The following MTMR8 variants were observed in gnomAD, a reference collection of about 807,000 sequenced individuals.
The protein encoded by MTMR8 is myotubularin related protein 8.
A neutral mutation model predicts 39.3 loss-of-function variants in MTMR8; 65 were observed. The ratio of observed to expected loss-of-function variants is 1.65; its 90% CI spans 1.35 to 2.03. MTMR8 has a LOEUF of 2.03. Ranked by LOEUF, MTMR8 falls within the 30% of genes most tolerant of loss-of-function variation. MTMR8 has a pLI of 0.00. For missense variants in MTMR8, 777 were observed against 538.9 expected (o/e 1.44, Z -4.37); for synonymous variants, 245 against 185.2 (o/e 1.32, Z -2.62).
At chrX:64,302,167 C>G (rs954664299) in intron 12 of MTMR8, among the ~76,000 whole-genome samples, 5 of 112,668 alleles carry the variant, frequency 4.4e-5, no homozygotes, top group Admixed American at 2.8e-4. Flanking sequence ...CCCCCAGCCT[C>G]GCTGCTGCCT....
chrX:64,367,127 AC>A (rs1923986858), intron 1 of MTMR8, among the ~76,000 whole-genome samples: 1 of 111,743 alleles, frequency 8.9e-6, no homozygotes, highest in African/African-American at 3.3e-5. Context: ...TAGCCTATCA[AC>A]CAAAAAAAAG....
intron 12 of MTMR8, among the ~76,000 whole-genome samples, chrX:64,320,962 C>G (rs1235496987): frequency 1.8e-5 from 2 of 111,843 alleles, no homozygotes; most frequent in Non-Finnish European, 3.8e-5. Context: ...GAGAACTAAG[C>G]TAACTGACAG....
At chrX:64,312,606 A>T (rs1009522328) in intron 12 of MTMR8, among the ~76,000 whole-genome samples, 1 of 112,781 alleles carries the variant, frequency 8.9e-6, no homozygotes, top group African/African-American at 3.2e-5. Context: ...AATCATGAAT[A>T]TTCTTAATGG....
chrX:64,335,661 G>T (rs1412819543), intron 10 of MTMR8, among the ~76,000 whole-genome samples: 4 of 111,566 alleles, frequency 3.6e-5, no homozygotes, highest in Non-Finnish European at 7.5e-5. Flanking sequence ...AAGGTGCATT[G>T]TCTTGATATT....
intron 6 of MTMR8, among the ~76,000 whole-genome samples, chrX:64,348,245 C>A (rs1281922774): frequency 2.7e-5 from 3 of 109,836 alleles, no homozygotes; most frequent in Admixed American, 9.7e-5. Flanking sequence ...TTACTGTGGC[C>A]TAACACATTT....
chrX:64,361,557 C>A (rs941960520), intron 1 of MTMR8, among the ~76,000 whole-genome samples: 1 of 110,654 alleles, frequency 9.0e-6, no homozygotes, highest in African/African-American at 3.3e-5. Flanking sequence ...TAATACATCA[C>A]CAAGACTAAA....
chrX:64,333,571 T>A (rs897607013), intron 10 of MTMR8, among the ~76,000 whole-genome samples: 1 of 112,039 alleles, frequency 8.9e-6, no homozygotes, highest in African/African-American at 3.2e-5. Context: ...TCTTCTTTAA[T>A]GTTTCTTTCT....
Position 64,348,724 on chromosome X carries a change from A to G in MTMR8, c.668T>C (p.Leu223Ser). 8.3e-7 allele frequency: 1 copy of G among 1,210,997 alleles called. No individual in the cohort carries two copies. The highest frequency in any genetic ancestry group is 1.1e-6 in the Non-Finnish European group (1 of 894,890). Residue 223 changes from leucine to serine, a missense_variant, in exon 6 of 14, where the codon TTG becomes TCG. By Grantham distance (145) the Leu-to-Ser change is moderately radical. Transcript: ENST00000374852. ...TGGGTTTGTTTGGCTAATGGCCTCC[A>G]ACAAGAGCTCATCATCTACACAGCG... ...YTRCVDDELL[L>S]EAISQTNPGS...
intron 12 of MTMR8, among the ~76,000 whole-genome samples, chrX:64,299,466 C>G (rs1434104717): frequency 9.4e-6 from 1 of 106,766 alleles, no homozygotes; most frequent in Non-Finnish European, 1.9e-5. Context: ...TGAGTCTTCT[C>G]TCTTTTTTTC....
At chrX:64,311,054 T>C (rs1232396827) in intron 12 of MTMR8, among the ~76,000 whole-genome samples, 2 of 112,053 alleles carry the variant, frequency 1.8e-5, no homozygotes, top group African/African-American at 3.3e-5. Context: ...TTTCTAGTTC[T>C]AGATCCTTGA....
At position 64,336,096 on chromosome X, in the gene MTMR8, G is replaced by A; in HGVS notation, c.1134C>T (p.Gly378=). The A allele has an allele frequency of 1.7e-6, 2 of 1,194,628 alleles. No homozygotes were observed. The highest frequency in any genetic ancestry group is 2.3e-6 in the Non-Finnish European group (2 of 885,468). The part of the protein sequence containing the change: ...ILIEKEWISM[G]HKFSQRCGHL... The stretch of plus-strand genomic sequence containing the variant: ...ATTTTTACCTTTGGGAAAACTTGTG[G>A]CCCATGGATATCCATTCCTTCTCTA... Residue 378 remains glycine (G), a synonymous_variant, in exon 10 of 14, where the codon GGC becomes GGT. Transcript: ENST00000374852.
At chrX:64,303,904 T>C (rs1442869009) in intron 12 of MTMR8, among the ~76,000 whole-genome samples, 1 of 112,485 alleles carries the variant, frequency 8.9e-6, no homozygotes, top group Admixed American at 9.5e-5. Flanking sequence ...AAGATCTTTA[T>C]GTTCTCTCTG....
rs780839756 is a variant in MTMR8 at position 64,362,672 on chromosome X, T to C, written c.25-3145A>G. Among the ~76,000 whole-genome samples, 165 of 109,467 alleles carry C rather than the reference T, an allele frequency of 1.5e-3. 1 individual carries two copies. The highest frequency in any genetic ancestry group is 5.3e-3 in the African/African-American group (160 of 30,022). ...CATGCAGTAAGCTAAGGCCATATCC[T>C]TACCTAACACCATATACAAAACTAG... On this transcript the variant is annotated intron_variant, in intron 1 of 13. Transcript: ENST00000374852.
At chrX:64,390,625 T>C (rs1017200265) in intron 1 of MTMR8, among the ~76,000 whole-genome samples, 1 of 111,656 alleles carries the variant, frequency 9.0e-6, no homozygotes, top group Non-Finnish European at 1.9e-5. Context: ...TTAGCAGCTT[T>C]ATTGAACTAT....
chrX:64,285,843 T>C (rs1261520260), intron 12 of MTMR8, among the ~76,000 whole-genome samples: 1 of 111,096 alleles, frequency 9.0e-6, no homozygotes, highest in African/African-American at 3.3e-5. Flanking sequence ...GAGGGAAATT[T>C]ATAGCACTAA....
intron 12 of MTMR8, among the ~76,000 whole-genome samples, chrX:64,313,286 T>C (rs1282155294): frequency 3.6e-5 from 4 of 112,589 alleles, no homozygotes; most frequent in Admixed American, 1.9e-4. Context: ...TCTACATCAG[T>C]ACTTGTTGCT....
intron 11 of MTMR8, among the ~76,000 whole-genome samples, chrX:64,331,057 C>A (rs1335373568): frequency 9.0e-6 from 1 of 111,460 alleles, no homozygotes; most frequent in Non-Finnish European, 1.9e-5. Flanking sequence ...CACAAATCAC[C>A]ACTAAAGAAC....
chrX:64,393,448 G>T (rs994938063), intron 1 of MTMR8, among the ~76,000 whole-genome samples: 2 of 111,749 alleles, frequency 1.8e-5, no homozygotes, highest in East Asian at 5.6e-4. Context: ...CCCTAACAGG[G>T]GAATTTTAAT....
intron 1 of MTMR8, among the ~76,000 whole-genome samples, chrX:64,370,257 G>T (rs1860422918): frequency 9.0e-6 from 1 of 110,870 alleles, no homozygotes; most frequent in African/African-American, 3.3e-5. Context: ...AAATGGTGTT[G>T]TATGATGTTG....
Sources: gnomAD v4.1 joint callset for allele counts (sites outside exome capture counted in the v4.1 genomes callset) on GRCh38, gnomAD v4.1.1 for gene constraint, MANE v1.5 for transcripts, NCBI Gene and HGNC (gene_info 2026-07-23, HGNC 2026-07-21) for gene names.